Variants in ZNF827 observed in about 807,000 individuals in gnomAD.
The protein encoded by ZNF827 is zinc finger protein 827.
A neutral mutation model predicts 102.4 loss-of-function variants in ZNF827; 13 were observed. The observed-to-expected ratio is 0.13, with a 90% CI of 0.08 to 0.20. The LOEUF (loss-of-function observed/expected upper bound fraction) is 0.20. Among genes scored for constraint, ZNF827 ranks in the 10% least tolerant of loss-of-function variants. The pLI, the probability that ZNF827 is intolerant of heterozygous loss-of-function variation, is 1.00. For missense variants in ZNF827, 1,103 were observed against 1,344.4 expected, an observed-to-expected ratio of 0.82 and a Z score of 2.81; for synonymous variants, 523 against 536.2, an observed-to-expected ratio of 0.98 and a Z score of 0.34.
intron 7 of ZNF827, chr4:145,830,490 A>T (rs1335073048): frequency 6.6e-6 from 1 of 152,166 alleles, no homozygotes; most frequent in South Asian, 2.1e-4. Context: ...TACATATTTC[A>T]CTTTTTGAAA....
chr4:145,762,807 T>C lies in ZNF827; in HGVS notation c.*17+283A>G, dbSNP rs1383888337. The stretch of plus-strand genomic sequence containing the variant: ...TCAGTGGCTTATATGAGAACTGTAG[T>C]GTGTTTGCTCTCTTTCCACAAAGAA... On this transcript the variant is annotated intron_variant, in intron 14 of 14. Transcript: ENST00000508784. This position sits in a 1 kb window ranked among gnomAD's most constrained non-coding sequence, Gnocchi z 4.9. Among the ~76,000 whole-genome samples, 1 of 152,204 alleles carries C rather than the reference T, an allele frequency of 6.6e-6. No individual in the cohort carries two copies. The highest frequency in any genetic ancestry group is 1.5e-5 in the Non-Finnish European group (1 of 68,022).
At chr4:145,817,060 T>C (rs1035381807) in intron 8 of ZNF827, among the ~76,000 whole-genome samples, 1 of 152,214 alleles carries the variant, frequency 6.6e-6, no homozygotes, top group East Asian at 1.9e-4. Context: ...AATACTATCA[T>C]AAGTATGCAG....
chr4:145,797,781 T>C (rs1298580458), intron 8 of ZNF827, among the ~76,000 whole-genome samples: 2 of 152,242 alleles, frequency 1.3e-5, no homozygotes, highest in African/African-American at 4.8e-5. Context: ...TTCTGTGGTA[T>C]AAATGGAAAT....
At chr4:145,816,311 G>A (rs1367497979) in intron 8 of ZNF827, among the ~76,000 whole-genome samples, 1 of 152,230 alleles carries the variant, frequency 6.6e-6, no homozygotes, top group Non-Finnish European at 1.5e-5. Context: ...ATAAAGGGGC[G>A]TGGCCACACA....
intron 5 of ZNF827, among the ~76,000 whole-genome samples, chr4:145,865,837 C>T (rs753906112): frequency 5.3e-5 from 8 of 152,156 alleles, no homozygotes; most frequent in Non-Finnish European, 1.0e-4. Context: ...CCACATCTGC[C>T]CAACATGCCC....
chr4:145,881,194 C>G (rs1471649339), intron 4 of ZNF827, among the ~76,000 whole-genome samples: 1 of 152,218 alleles, frequency 6.6e-6, no homozygotes, highest in Non-Finnish European at 1.5e-5. Context: ...TATGTGAACA[C>G]CTTTGCTGTT....
chr4:145,871,390 A>G (rs1181452572), intron 4 of ZNF827, among the ~76,000 whole-genome samples: 7 of 152,190 alleles, frequency 4.6e-5, no homozygotes, highest in Non-Finnish European at 8.8e-5. Context: ...TAACTGGCCT[A>G]TTATGGGATG....
intron 5 of ZNF827, among the ~76,000 whole-genome samples, chr4:145,855,548 G>C (rs145558310): frequency 2.0e-5 from 3 of 151,490 alleles, no homozygotes; most frequent in Non-Finnish European, 4.4e-5. Flanking sequence ...ACTGGCACCC[G>C]CTGGCATCTG....
At chr4:145,836,836 G>A (rs1240738894) in intron 7 of ZNF827, among the ~76,000 whole-genome samples, 8 of 149,208 alleles carry the variant, frequency 5.4e-5, no homozygotes, top group Admixed American at 6.7e-5. Flanking sequence ...CCTTTCCATC[G>A]TGGAAATCTA....
At chr4:145,865,943 G>A (rs1054426732) in intron 5 of ZNF827, among the ~76,000 whole-genome samples, 4 of 152,174 alleles carry the variant, frequency 2.6e-5, no homozygotes, top group African/African-American at 9.7e-5. Flanking sequence ...TTTCTGTCTG[G>A]CTATTCTTTT....
Position 145,765,443 on chromosome 4 carries a change from C to A in ZNF827, c.3052+104G>T. On this transcript the variant is annotated intron_variant, in intron 12 of 14. Coordinates refer to ENST00000508784, the MANE Select transcript of ZNF827 (RefSeq NM_001306215.2). This position sits in a 1 kb window ranked among gnomAD's most constrained non-coding sequence, Gnocchi z 4.7. ...GAGGCCCAGCATACTGCATCCTGGG[C>A]CTATTATCAGTTTTTGACATCGCTC... 1 of 1,356,518 alleles carries A rather than the reference C, an allele frequency of 7.4e-7. No individual in the cohort carries two copies. The highest frequency in any genetic ancestry group is 1.0e-6 in the Non-Finnish European group (1 of 1,001,522). 84.0% of individuals were successfully genotyped at this position (1,356,518 alleles called of 1,614,324 possible). A position where few individuals can be genotyped will look rare whatever the true frequency, so the allele number is the denominator to read the frequency against.
In ZNF827 at chr4:145,890,437, A is replaced by G. The variant is rs111397630; in HGVS notation, c.1266+1806T>C. On this transcript the variant is annotated intron_variant, in intron 3 of 14. Transcript: ENST00000508784. The stretch of plus-strand genomic sequence containing the variant: ...GCCATGGCCGGCCGTCTGTGTCATC[A>G]AGGCACCCAACTCATCTCCCTGTAG... Among the ~76,000 whole-genome samples the G allele has an allele frequency of 6.5e-3, 997 of 152,272 alleles. 11 individuals are homozygous for G. The highest frequency in any genetic ancestry group is 8.6e-3 in the Non-Finnish European group (584 of 68,028).
In ZNF827 at chr4:145,760,867, C is replaced by T; in HGVS notation, c.*749G>A. On this transcript the variant is annotated 3_prime_UTR_variant, in exon 15 of 15. Transcript: ENST00000508784. The stretch of plus-strand genomic sequence containing the variant: ...GATGCTGGGAGGCGCAGTCTGAGGT[C>T]GGGGAGGGTGGAATGTGAGATCCAA... 5 of 1,222,058 alleles carry T rather than the reference C, an allele frequency of 4.1e-6. No homozygotes were observed. The highest frequency in any genetic ancestry group is 5.2e-6 in the Non-Finnish European group (5 of 956,564). The allele number at this position is 1,222,058 out of a possible 1,614,324, so 75.7% of individuals were successfully genotyped here.
chr4:145,773,376 C>T (rs1454226328), intron 11 of ZNF827, among the ~76,000 whole-genome samples: 1 of 152,220 alleles, frequency 6.6e-6, no homozygotes, highest in African/African-American at 2.4e-5. Flanking sequence ...GTTGGCACCA[C>T]TGAGCCAAAG....
At chr4:145,936,216 C>G (rs1754158670) in intron 1 of ZNF827, among the ~76,000 whole-genome samples, 1 of 151,894 alleles carries the variant, frequency 6.6e-6, no homozygotes, top group African/African-American at 2.4e-5. Flanking sequence ...CGGGGCAGTC[C>G]GGCCATGTGC....
chr4:145,853,043 C>T (rs907151769), intron 5 of ZNF827, among the ~76,000 whole-genome samples: 5 of 152,158 alleles, frequency 3.3e-5, no homozygotes, highest in African/African-American at 4.8e-5. Context: ...AAGTTTTTGC[C>T]GCATTCTAGT....
intron 5 of ZNF827, 108 bp from the exon 6 acceptor site, chr4:145,849,669 G>GA: frequency 2.6e-6 from 4 of 1,528,378 alleles, no homozygotes; most frequent in Non-Finnish European, 3.5e-6. Context: ...GCAGGGAAGA[G>GA]AAAAATGAGC....
intron 8 of ZNF827, among the ~76,000 whole-genome samples, chr4:145,814,538 G>C (rs1210706542): frequency 6.6e-6 from 1 of 152,026 alleles, no homozygotes; most frequent in Non-Finnish European, 1.5e-5. Flanking sequence ...TTGGTAACCT[G>C]TTTGGCTGCT....
intron 5 of ZNF827, among the ~76,000 whole-genome samples, chr4:145,869,054 G>A (rs184190118): frequency 5.3e-5 from 8 of 152,284 alleles, no homozygotes; most frequent in Non-Finnish European, 1.2e-4. Flanking sequence ...CATCTCATCT[G>A]CATAGGAGGT....
Sources: allele counts gnomAD v4.1 joint callset (sites outside exome capture counted in the v4.1 genomes callset), GRCh38; gene constraint gnomAD v4.1.1; non-coding constraint Gnocchi (gnomAD v3.1); transcripts MANE v1.5; gene names NCBI Gene and HGNC (gene_info 2026-07-23, HGNC 2026-07-21).